Variants in USH2A observed in about 807,000 individuals in gnomAD.
The protein encoded by USH2A is usherin, also known as Usher syndrome 2A (autosomal recessive, mild).
In USH2A, 443 loss-of-function variants were observed where a neutral mutation model predicts 538.9. The ratio of observed to expected loss-of-function variants is 0.82; its 90% CI spans 0.76 to 0.89. USH2A has a LOEUF of 0.89. USH2A is among the 40% of genes least tolerant of loss of function. The pLI is 0.00. For synonymous variants in USH2A, 2,413 were observed against 2,273.5 expected, an observed-to-expected ratio of 1.06 and a Z score of -1.75; for missense variants, 6,633 against 6,324.8, an observed-to-expected ratio of 1.05 and a Z score of -1.65.
chr1:216,100,533 A>G (rs1319665709), intron 21 of USH2A, among the ~76,000 whole-genome samples: 3 of 152,184 alleles, frequency 2.0e-5, no homozygotes, highest in African/African-American at 7.2e-5. Flanking sequence ...ATATATTATA[A>G]TAAAACCTAT....
intron 48 of USH2A, among the ~76,000 whole-genome samples, chr1:215,814,133 TATA>T (rs1571712874): frequency 6.7e-6 from 1 of 148,298 alleles, no homozygotes; most frequent in African/African-American, 2.4e-5. Flanking sequence ...TGTGCTCTAT[TATA>T]ATACTATATA....
intron 13 of USH2A, among the ~76,000 whole-genome samples, chr1:216,237,494 TAAAAAAAAAA>T (rs59074625): frequency 1.7e-5 from 2 of 114,300 alleles, no homozygotes; most frequent in African/African-American, 3.3e-5. Flanking sequence ...GACTCCGTCT[TAAAAAAAAAA>T]AAAAAAAAAA....
rs368782003 is a variant in USH2A at position 216,402,400 on chromosome 1, G to A, written c.651+16114C>T. ...AGAACTGAATGCACATGAAAATATA[G>A]CTGACCTTTGAACAACACAGGTTTG... On this transcript the variant is annotated intron_variant, in intron 3 of 71. Coordinates refer to ENST00000307340, the MANE Select transcript of USH2A (RefSeq NM_206933.4). Among the ~76,000 whole-genome samples, 315 of 152,088 alleles carry A rather than the reference G, an allele frequency of 2.1e-3. 15 individuals carry two copies. In the South Asian group the frequency reaches 0.064, roughly 31 times the overall value.
At chr1:216,081,591 A>G (rs1558248687) in intron 26 of USH2A, among the ~76,000 whole-genome samples, 1 of 150,992 alleles carries the variant, frequency 6.6e-6, no homozygotes, top group Non-Finnish European at 1.5e-5. Context: ...AAGTGTATTG[A>G]TTTTTTTTTG....
intron 20 of USH2A, among the ~76,000 whole-genome samples, chr1:216,187,024 T>C (rs2034619292): frequency 6.6e-6 from 1 of 151,978 alleles, no homozygotes; most frequent in Non-Finnish European, 1.5e-5. Context: ...ATCTCTGCTT[T>C]CATTACATCA....
rs181995100 is a variant in USH2A at position 215,694,504 on chromosome 1, C to T, written c.12067-14128G>A. 3.3e-5 allele frequency among the ~76,000 whole-genome samples: 5 copies of T among 152,238 alleles called. No homozygotes were observed. The South Asian group carries it at 8.3e-4, about 25-fold the overall frequency. ...AGGAGAATGGCGTGAACCCGGGAGG[C>T]GGAGCTTACGGTTAGCCGAGATCAC... On this transcript the variant is annotated intron_variant, in intron 61 of 71. Transcript: ENST00000307340.
chr1:216,219,686 C>A (rs959070397), intron 14 of USH2A, among the ~76,000 whole-genome samples: 1 of 151,966 alleles, frequency 6.6e-6, no homozygotes, highest in Non-Finnish European at 1.5e-5. Flanking sequence ...TATAAAGAAA[C>A]CTTTATTACA....
chr1:215,731,057 C>T (rs1659980885), intron 60 of USH2A, among the ~76,000 whole-genome samples: 1 of 152,214 alleles, frequency 6.6e-6, no homozygotes, highest in African/African-American at 2.4e-5. Context: ...TGTCTAGCTT[C>T]AGCCTTTCCA....
rs752358487 is a variant in USH2A at position 215,675,510 on chromosome 1, G to A, written c.12401C>T (p.Ala4134Val). 1.9e-6 allele frequency: 3 copies of A among 1,614,038 alleles called. No homozygotes were observed. The highest frequency in any genetic ancestry group is 2.2e-5 in the East Asian group (1 of 44,850). Residue 4134 changes from alanine (A) to valine (V), a missense_variant, in exon 63 of 72, where the codon GCC (alanine) becomes GTC (valine). By Grantham distance (64) the Ala-to-Val change is moderately conservative. Transcript: ENST00000307340. Reference protein sequence around the residue: ...PFTLYTLTLEACTRAGCAHSA... With the variant: ...PFTLYTLTLEVCTRAGCAHSA... ...GTGTGCACAACCTGCTCTGGTGCAGGCCTCCAGGGTCAGTGTGTAGAGAGT... is the reference window on the plus strand; with the variant it reads ...GTGTGCACAACCTGCTCTGGTGCAGACCTCCAGGGTCAGTGTGTAGAGAGT...
At chr1:215,784,220 G>A (rs544361580) in intron 52 of USH2A, among the ~76,000 whole-genome samples, 1 of 152,178 alleles carries the variant, frequency 6.6e-6, no homozygotes, top group African/African-American at 2.4e-5. Flanking sequence ...AATACTTGAA[G>A]GAGTATAGAA....
chr1:216,010,231 T>C (rs913772624), intron 32 of USH2A, among the ~76,000 whole-genome samples: 26 of 152,202 alleles, frequency 1.7e-4, no homozygotes, highest in Non-Finnish European at 3.7e-4. Flanking sequence ...ATGCCTGAAC[T>C]GCAGCGGCCA....
intron 30 of USH2A, among the ~76,000 whole-genome samples, chr1:216,064,370 T>C (rs2031283225): frequency 6.6e-6 from 1 of 151,818 alleles, no homozygotes; most frequent in African/African-American, 2.4e-5. Flanking sequence ...TGGGGTCACG[T>C]AGACAACTCA....
chr1:215,698,317 A>G (rs1488867998), intron 61 of USH2A, among the ~76,000 whole-genome samples: 7 of 152,218 alleles, frequency 4.6e-5, no homozygotes. Context: ...AGAATGATTT[A>G]TAATGCCTTG....
chr1:215,894,527 T>A (rs1398659195), intron 40 of USH2A, among the ~76,000 whole-genome samples: 2 of 152,134 alleles, frequency 1.3e-5, no homozygotes, highest in African/African-American at 4.8e-5. Context: ...GTTGTGAGAA[T>A]AAAAACAGGA....
intron 13 of USH2A, among the ~76,000 whole-genome samples, chr1:216,245,676 T>A (rs1414157305): frequency 6.6e-5 from 10 of 152,144 alleles, no homozygotes; most frequent in Admixed American, 6.6e-4. Flanking sequence ...ACAAAAAGAA[T>A]GAACTCTTCA....
intron 21 of USH2A, among the ~76,000 whole-genome samples, chr1:216,167,115 T>C (rs1173347680): frequency 6.6e-6 from 1 of 151,878 alleles, no homozygotes; most frequent in East Asian, 1.9e-4. Flanking sequence ...AGCCTCCTTA[T>C]ATATATATAC....
intron 61 of USH2A, among the ~76,000 whole-genome samples, chr1:215,723,375 A>T (rs1031307508): frequency 5.3e-5 from 8 of 152,094 alleles, no homozygotes; most frequent in African/African-American, 1.9e-4. Context: ...TTCTCCATCC[A>T]CTGCCACCAC....
chr1:215,945,921 T>C (rs1666747865), intron 37 of USH2A, among the ~76,000 whole-genome samples: 1 of 152,192 alleles, frequency 6.6e-6, no homozygotes, highest in Non-Finnish European at 1.5e-5. Context: ...AATAAATCCT[T>C]TTGTGAGTGT....
At chr1:215,800,837 G>A (rs1662306015) in intron 49 of USH2A, among the ~76,000 whole-genome samples, 1 of 151,822 alleles carries the variant, frequency 6.6e-6, no homozygotes, top group Non-Finnish European at 1.5e-5. Flanking sequence ...CAAGAAAAAA[G>A]TTAAAATCAA....
Sources: allele counts gnomAD v4.1 joint callset (sites outside exome capture counted in the v4.1 genomes callset), GRCh38; gene constraint gnomAD v4.1.1; transcripts MANE v1.5; gene names NCBI Gene and HGNC (gene_info 2026-07-23, HGNC 2026-07-21).